MAJIN: variants seen among roughly 807,000 people sequenced by gnomAD.
MAJIN encodes membrane anchored junction protein, also known as membrane-anchored junction protein.
MAJIN carries 27 observed loss-of-function variants against 30.2 expected under a neutral mutation model. The ratio of observed to expected loss-of-function variants is 0.89; its 90% CI spans 0.66 to 1.23. The LOEUF is 1.23. Among genes scored for constraint, MAJIN ranks in the 50% most tolerant of loss-of-function variants. The pLI is 0.00. For synonymous variants in MAJIN, 78 were observed against 91.6 expected (o/e 0.85, Z 0.85); for missense variants, 253 against 260.3 (o/e 0.97, Z 0.19).
In MAJIN at chr11:64,954,775, G is replaced by T; in HGVS notation, c.129C>A (p.Val43=). Residue 43 remains valine, a synonymous_variant, in exon 4 of 11, where the codon GTC becomes GTA. Coordinates refer to ENST00000301896, the MANE Select transcript of MAJIN (RefSeq NM_001037225.3). ...TCCCTACCTCCAGCTCCTGGGTGAT[G>T]ACTTCCTTATTTTCTATCTCTTCTC... The part of the protein sequence containing the change: ...IRGEEIENKE[V]ITQELEDSVR... 1 of 1,613,262 alleles carries T rather than the reference G, an allele frequency of 6.2e-7. No homozygotes were observed. The highest frequency in any genetic ancestry group is 1.1e-5 in the South Asian group (1 of 90,924).
chr11:64,949,962 C>T, intron 5 of MAJIN, 94 bp from the exon 6 acceptor site: 2 of 1,471,438 alleles, frequency 1.4e-6, no homozygotes, highest in Non-Finnish European at 1.8e-6. Context: ...CCCTGACCTA[C>T]CCTCCAAACT....
chr11:64,970,090 G>A lies in MAJIN; in HGVS notation c.-65+1787C>T, dbSNP rs751490344. Among the ~76,000 whole-genome samples, 94 of 152,112 alleles carry A rather than the reference G, an allele frequency of 6.2e-4. No individual in the cohort carries two copies. The Middle Eastern group carries it at 0.014, about 22-fold the overall frequency. On this transcript the variant is annotated intron_variant, in intron 1 of 10. Transcript: ENST00000301896. ...CAAAAAAGTGAAGGATGGGCCAGGC[G>A]CAGTGACACTTGCCTGTAATCCCAG...
chr11:64,956,724 T>C (rs1945638350), intron 3 of MAJIN, among the ~76,000 whole-genome samples: 1 of 150,486 alleles, frequency 6.6e-6, no homozygotes, highest in East Asian at 1.9e-4. Context: ...GGGCTACTAA[T>C]ATAGTCCTAC....
At chr11:64,947,857 ACT>A in intron 6 of MAJIN, 38 bp from the exon 7 acceptor site, 2 of 1,400,170 alleles carry the variant, frequency 1.4e-6, no homozygotes, top group Admixed American at 2.1e-5. Flanking sequence ...TAGATTTAAG[ACT>A]TTTTTTTTTT....
chr11:64,943,517 G>T (rs936597476), intron 8 of MAJIN, among the ~76,000 whole-genome samples: 1 of 152,196 alleles, frequency 6.6e-6, no homozygotes, highest in Non-Finnish European at 1.5e-5. Flanking sequence ...ATGGACCATA[G>T]GAGCAAATTC....
intron 1 of MAJIN, among the ~76,000 whole-genome samples, chr11:64,962,721 G>A (rs1269974059): frequency 1.3e-5 from 2 of 152,148 alleles, no homozygotes; most frequent in African/African-American, 2.4e-5. Context: ...CTGGAATGTG[G>A]GGATTAAATG....
intron 1 of MAJIN, among the ~76,000 whole-genome samples, chr11:64,969,509 C>T (rs1348056705): frequency 6.7e-6 from 1 of 148,282 alleles, no homozygotes; most frequent in Non-Finnish European, 1.5e-5. Flanking sequence ...AAAAAAAAAT[C>T]CCTCCTGGCT....
chr11:64,948,642 T>TA (rs1945500063), intron 6 of MAJIN, among the ~76,000 whole-genome samples: 1 of 16,292 alleles, frequency 6.1e-5, no homozygotes, highest in African/African-American at 2.9e-4. Context: ...TATATATATT[T>TA]TTTTTTTTTT....
intron 1 of MAJIN, among the ~76,000 whole-genome samples, chr11:64,964,748 G>A (rs887402184): frequency 6.6e-6 from 1 of 151,742 alleles, no homozygotes; most frequent in Non-Finnish European, 1.5e-5. Flanking sequence ...CACCACACCT[G>A]GCTAATTTTT....
intron 1 of MAJIN, among the ~76,000 whole-genome samples, chr11:64,964,454 G>A (rs1945775051): frequency 6.6e-6 from 1 of 152,110 alleles, no homozygotes; most frequent in Admixed American, 6.6e-5. Flanking sequence ...CCTCAAGATT[G>A]TTGACTTCTT....
chr11:64,955,155 TGTTAATA>T, intron 3 of MAJIN, among the ~76,000 whole-genome samples: 1 of 152,220 alleles, frequency 6.6e-6, no homozygotes, highest in Non-Finnish European at 1.5e-5. Context: ...TTTCTCACTG[TGTTAATA>T]TTTGTAACCA....
At chr11:64,962,596 G>C (rs1291764090) in intron 1 of MAJIN, among the ~76,000 whole-genome samples, 1 of 152,150 alleles carries the variant, frequency 6.6e-6, no homozygotes, top group Non-Finnish European at 1.5e-5. Flanking sequence ...TTTGGAATTG[G>C]AGGACCAAGG....
rs977944379 is a variant in MAJIN at position 64,959,496 on chromosome 11, A to G, written c.-17-74T>C. On this transcript the variant is annotated intron_variant, in intron 2 of 10. Transcript: ENST00000301896. ...ATTTACAGGAAAGGGAACCTGCCCA[A>G]TCTGTAACATCTCTTCATGAGTAAA... The G allele has an allele frequency of 2.1e-5, 23 of 1,096,758 alleles. No homozygotes were observed. The African/African-American group carries it at 3.0e-4, about 14-fold the overall frequency. 67.9% of individuals were successfully genotyped at this position (1,096,758 alleles called of 1,614,324 possible). A position where few individuals can be genotyped will look rare whatever the true frequency, so the allele number is the denominator to read the frequency against.
At chr11:64,950,879 G>C (rs941700247) in intron 4 of MAJIN, among the ~76,000 whole-genome samples, 2 of 152,122 alleles carry the variant, frequency 1.3e-5, no homozygotes, top group South Asian at 4.1e-4. Context: ...ACTGCACCCA[G>C]CCCGCTTCTC....
chr11:64,955,496 C>T (rs899696359), intron 3 of MAJIN, among the ~76,000 whole-genome samples: 2 of 152,150 alleles, frequency 1.3e-5, no homozygotes, highest in African/African-American at 4.8e-5. Context: ...GAACTGTCTG[C>T]TTTTCTTCAT....
intron 1 of MAJIN, among the ~76,000 whole-genome samples, chr11:64,966,672 C>A (rs1220246527): frequency 6.6e-6 from 1 of 152,094 alleles, no homozygotes; most frequent in South Asian, 2.1e-4. Flanking sequence ...GTAGCTCACG[C>A]CTTGTAATCC....
At chr11:64,949,669 C>T in intron 6 of MAJIN, 74 bp downstream of exon 6, 4 of 1,555,282 alleles carry the variant, frequency 2.6e-6, no homozygotes, top group Middle Eastern at 1.7e-4. Flanking sequence ...TCTGGTAGCC[C>T]CTTTCGCGAT....
At chr11:64,955,163 T>C (rs2136776816) in intron 3 of MAJIN, among the ~76,000 whole-genome samples, 1 of 152,336 alleles carries the variant, frequency 6.6e-6, no homozygotes, top group East Asian at 1.9e-4. Flanking sequence ...TGTGTTAATA[T>C]TTGTAACCAT....
Position 64,969,543 on chromosome 11 carries a change from C to A in MAJIN, c.-65+2334G>T, listed in dbSNP as rs1381100568. Among the ~76,000 whole-genome samples the A allele has an allele frequency of 8.6e-5, 13 of 150,526 alleles. No individual in the cohort carries two copies. In the East Asian group the frequency reaches 2.3e-3, roughly 27 times the overall value. ...CTGCAATGTGGGAAACAACCCGGAA[C>A]AAGAACAGATGAAAGGAGACCAGCT... is the stretch of plus-strand genomic sequence containing the variant. On this transcript the variant is annotated intron_variant, in intron 1 of 10. Coordinates refer to ENST00000301896, the MANE Select transcript of MAJIN (RefSeq NM_001037225.3).
Sources: gnomAD v4.1 joint callset for allele counts (sites outside exome capture counted in the v4.1 genomes callset) on GRCh38, gnomAD v4.1.1 for gene constraint, MANE v1.5 for transcripts, NCBI Gene and HGNC (gene_info 2026-07-23, HGNC 2026-07-21) for gene names.